ERC1: variants seen among roughly 807,000 people sequenced by gnomAD.
ERC1 encodes the protein ELKS/RAB6-interacting/CAST family member 1, also known as RAB6 interacting protein 2.
A neutral mutation model predicts 132.0 loss-of-function variants in ERC1; 56 were observed. The ratio of observed to expected loss-of-function variants is 0.42; its 90% CI spans 0.34 to 0.53. The LOEUF (loss-of-function observed/expected upper bound fraction) is 0.53. ERC1 is among the 20% of genes least tolerant of loss of function. The pLI is 0.03. For missense variants in ERC1, 1,202 were observed against 1,349.9 expected (o/e 0.89, Z 1.72); for synonymous variants, 478 against 476.1 (o/e 1.00, Z -0.05).
intron 16 of ERC1, among the ~76,000 whole-genome samples, 176 bp from the exon 17 acceptor site, chr12:1,407,973 G>C (rs1489990747): frequency 1.3e-5 from 2 of 152,110 alleles, no homozygotes; most frequent in Non-Finnish European, 2.9e-5. Flanking sequence ...GCACAATTCA[G>C]CCCGTAGTAT....
At chr12:1,194,480 G>A (rs1163386727) in intron 12 of ERC1, among the ~76,000 whole-genome samples, 2 of 152,050 alleles carry the variant, frequency 1.3e-5, no homozygotes, top group Non-Finnish European at 2.9e-5. Flanking sequence ...CGTACTGGAG[G>A]CTGATACAGG....
intron 17 of ERC1, among the ~76,000 whole-genome samples, chr12:1,415,904 G>A (rs968455272): frequency 1.3e-5 from 2 of 152,216 alleles, no homozygotes; most frequent in Non-Finnish European, 2.9e-5. Flanking sequence ...CATTTATTAA[G>A]CATTTACTAT....
intron 15 of ERC1, among the ~76,000 whole-genome samples, chr12:1,363,268 A>G (rs1267798559): frequency 6.6e-6 from 1 of 152,220 alleles, no homozygotes; most frequent in East Asian, 1.9e-4. Flanking sequence ...GAGGCTTTAT[A>G]GCAGAGGTCT....
chr12:1,488,529 A>T (rs2094276221), intron 18 of ERC1, among the ~76,000 whole-genome samples: 1 of 152,124 alleles, frequency 6.6e-6, no homozygotes, highest in Non-Finnish European at 1.5e-5. Flanking sequence ...TCTCCAAAAA[A>T]TTAAAATTTA....
At chr12:1,001,834 A>G (rs977641180) in intron 1 of ERC1, among the ~76,000 whole-genome samples, 2 of 144,832 alleles carry the variant, frequency 1.4e-5, no homozygotes, top group Admixed American at 1.4e-4. Flanking sequence ...TTATGCCACT[A>G]TGACTATTCT....
chr12:1,119,267 G>GT (rs11342123), intron 7 of ERC1, among the ~76,000 whole-genome samples: 60 of 138,236 alleles, frequency 4.3e-4, no homozygotes, highest in African/African-American at 2.0e-3. Context: ...TGTTTTTTTT[G>GT]TTTTTTTTTT....
chr12:1,255,937 A>G (rs1483350820), intron 13 of ERC1, among the ~76,000 whole-genome samples: 3 of 151,942 alleles, frequency 2.0e-5, no homozygotes, highest in African/African-American at 7.3e-5. Context: ...AATGATCGCC[A>G]TTCTAACAGG....
chr12:1,267,352 C>T (rs912216208), intron 14 of ERC1, among the ~76,000 whole-genome samples: 1 of 152,228 alleles, frequency 6.6e-6, no homozygotes, highest in Non-Finnish European at 1.5e-5. Context: ...TAAACAAGGT[C>T]TCCTAAACAA....
intron 12 of ERC1, among the ~76,000 whole-genome samples, chr12:1,205,519 G>T (rs1421603553): frequency 6.6e-6 from 1 of 151,462 alleles, no homozygotes; most frequent in African/African-American, 2.4e-5. Flanking sequence ...GAGTTAGCCC[G>T]CCAAAAAAGA....
chr12:1,261,618 G>A (rs1311380450), intron 13 of ERC1, among the ~76,000 whole-genome samples: 1 of 152,126 alleles, frequency 6.6e-6, no homozygotes, highest in African/African-American at 2.4e-5. Flanking sequence ...TGCTGCTCAT[G>A]GCAAGTCAAC....
At chr12:1,375,503 G>C (rs1332377166) in intron 16 of ERC1, among the ~76,000 whole-genome samples, 1 of 152,086 alleles carries the variant, frequency 6.6e-6, no homozygotes, top group African/African-American at 2.4e-5. Flanking sequence ...AACTTTTTCT[G>C]CTGACAGCTT....
intron 2 of ERC1, among the ~76,000 whole-genome samples, chr12:1,055,720 G>T (rs1247405547): frequency 6.6e-6 from 1 of 152,194 alleles, no homozygotes; most frequent in East Asian, 1.9e-4. Context: ...ACTGCTGGAT[G>T]GTTCTGCCAC....
At chr12:1,305,040 A>C (rs1430660836) in intron 15 of ERC1, among the ~76,000 whole-genome samples, 2 of 151,994 alleles carry the variant, frequency 1.3e-5, no homozygotes, top group African/African-American at 2.4e-5. Context: ...TTGGCCTCCC[A>C]AAGTGCTGGG....
intron 18 of ERC1, among the ~76,000 whole-genome samples, chr12:1,476,521 A>T (rs913625566): frequency 6.6e-6 from 1 of 152,170 alleles, no homozygotes; most frequent in Non-Finnish European, 1.5e-5. Flanking sequence ...ATAAATATAT[A>T]TTTTTTAATG....
chr12:1,452,774 C>T (rs1190119695), intron 18 of ERC1, among the ~76,000 whole-genome samples: 1 of 152,064 alleles, frequency 6.6e-6, no homozygotes, highest in Non-Finnish European at 1.5e-5. Flanking sequence ...ACAGTGGAAA[C>T]CAAGGTAAAT....
intron 6 of ERC1, among the ~76,000 whole-genome samples, chr12:1,112,524 A>G (rs1009219215): frequency 6.6e-6 from 1 of 152,170 alleles, no homozygotes; most frequent in African/African-American, 2.4e-5. Flanking sequence ...GAAGCCTTGT[A>G]CCTGGTACTT....
chr12:1,243,226 G>C (rs1212634894), intron 13 of ERC1, among the ~76,000 whole-genome samples: 1 of 151,390 alleles, frequency 6.6e-6, no homozygotes, highest in Non-Finnish European at 1.5e-5. Flanking sequence ...AAAAGAAATC[G>C]AGAGATGATT....
intron 18 of ERC1, among the ~76,000 whole-genome samples, chr12:1,485,205 T>TTCTTTTC (rs1565533441): frequency 5.1e-5 from 7 of 137,004 alleles, no homozygotes; most frequent in African/African-American, 1.9e-4. Flanking sequence ...ATATTTCTTT[T>TTCTTTTC]TTTTTTTTTT....
intron 18 of ERC1, among the ~76,000 whole-genome samples, chr12:1,460,958 C>CCTTT (rs1555111468): frequency 1.5e-5 from 1 of 64,914 alleles, no homozygotes; most frequent in Admixed American, 2.9e-4. Flanking sequence ...TGAGGAGGCC[C>CCTTT]TTTTTTTTTT....
Sources: allele counts gnomAD v4.1 joint callset (sites outside exome capture counted in the v4.1 genomes callset), GRCh38; gene constraint gnomAD v4.1.1; transcripts MANE v1.5; gene names NCBI Gene and HGNC (gene_info 2026-07-23, HGNC 2026-07-21).